EIF4EBP2: variants seen among roughly 807,000 people sequenced by gnomAD.
EIF4EBP2 encodes eukaryotic translation initiation factor 4E-binding protein 2.
A neutral mutation model predicts 10.3 loss-of-function variants in EIF4EBP2; 5 were observed. The observed-to-expected ratio is 0.48, with a 90% CI of 0.25 to 1.02. The LOEUF (loss-of-function observed/expected upper bound fraction) is 1.02, where lower values mean the gene tolerates loss of function less well. Among genes scored for constraint, EIF4EBP2 ranks in the 50% least tolerant of loss-of-function variants. The pLI, the probability that EIF4EBP2 is intolerant of heterozygous loss-of-function variation, is 0.15. For missense variants in EIF4EBP2, 188 were observed against 162.2 expected, an observed-to-expected ratio of 1.16 and a Z score of -0.86; for synonymous variants, 67 against 61.1, an observed-to-expected ratio of 1.10 and a Z score of -0.45.
intron 2 of EIF4EBP2, among the ~76,000 whole-genome samples, chr10:70,421,026 AC>A (rs1172053374): frequency 6.6e-6 from 1 of 151,566 alleles, no homozygotes; most frequent in Non-Finnish European, 1.5e-5. Context: ...CGATCTCCTG[AC>A]CTCGTGATCC....
chr10:70,412,267 C>G (rs2137226720), intron 1 of EIF4EBP2, among the ~76,000 whole-genome samples: 1 of 151,936 alleles, frequency 6.6e-6, no homozygotes, highest in East Asian at 1.9e-4. Flanking sequence ...CCATCTCAGC[C>G]TTTTTGGAGG....
chr10:70,405,759 C>A (rs1844959270), intron 1 of EIF4EBP2, among the ~76,000 whole-genome samples: 1 of 152,094 alleles, frequency 6.6e-6, no homozygotes, highest in South Asian at 2.1e-4. Flanking sequence ...CTTGCCAACA[C>A]CAAGGGATAA....
chr10:70,415,290 A>C (rs1427575156), intron 1 of EIF4EBP2, among the ~76,000 whole-genome samples: 6 of 152,258 alleles, frequency 3.9e-5, no homozygotes, highest in Non-Finnish European at 8.8e-5. Flanking sequence ...GTTGAAAGAA[A>C]TTAAAGAAGA....
At chr10:70,409,373 C>T (rs994751454) in intron 1 of EIF4EBP2, among the ~76,000 whole-genome samples, 1 of 152,146 alleles carries the variant, frequency 6.6e-6, no homozygotes, top group Non-Finnish European at 1.5e-5. Context: ...GAAGCTACCT[C>T]TGCCCTCAAA....
intron 1 of EIF4EBP2, among the ~76,000 whole-genome samples, chr10:70,416,822 G>A (rs1195506900): frequency 2.0e-5 from 3 of 151,624 alleles, no homozygotes; most frequent in Non-Finnish European, 2.9e-5. Context: ...GCAACACCAC[G>A]CCTGGCTAAT....
At chr10:70,411,542 A>G (rs1230043002) in intron 1 of EIF4EBP2, among the ~76,000 whole-genome samples, 1 of 152,172 alleles carries the variant, frequency 6.6e-6, no homozygotes, top group Non-Finnish European at 1.5e-5. Context: ...TTTTAAACTC[A>G]TTTAGCTAAT....
At position 70,424,333 on chromosome 10, in the gene EIF4EBP2, G is replaced by T. The variant is rs1238364763; in HGVS notation, c.*2586G>T. The T allele has an allele frequency of 6.6e-6, 1 of 152,136 alleles. No homozygotes were observed. The highest frequency in any genetic ancestry group is 2.4e-5 in the African/African-American group (1 of 41,422). 9.4% of individuals were successfully genotyped at this position (152,136 alleles called of 1,614,324 possible). ...TCAATCCCTTACCCTTCTCTGCAAG[G>T]ACTTCCTTACAGCTTGGTGCAGTTC... On this transcript the variant is annotated 3_prime_UTR_variant, in exon 3 of 3. Coordinates refer to ENST00000373218, the MANE Select transcript of EIF4EBP2 (RefSeq NM_004096.5).
chr10:70,418,044 A>G (rs545415177), intron 1 of EIF4EBP2, among the ~76,000 whole-genome samples: 1 of 152,172 alleles, frequency 6.6e-6, no homozygotes, highest in African/African-American at 2.4e-5. Flanking sequence ...CAAAATTCTT[A>G]TGTTGAAACC....
chr10:70,419,165 C>T (rs1845128984), intron 1 of EIF4EBP2, among the ~76,000 whole-genome samples: 1 of 152,228 alleles, frequency 6.6e-6, no homozygotes, highest in African/African-American at 2.4e-5. Context: ...GAAGTGATAT[C>T]TCATTGTCGT....
chr10:70,410,777 C>G (rs1298655797), intron 1 of EIF4EBP2, among the ~76,000 whole-genome samples: 2 of 152,238 alleles, frequency 1.3e-5, no homozygotes, highest in Non-Finnish European at 2.9e-5. Context: ...ATTAGAAGCA[C>G]TTGCTGCTTG....
At chr10:70,409,737 G>A (rs764049419) in intron 1 of EIF4EBP2, among the ~76,000 whole-genome samples, 62 of 152,272 alleles carry the variant, frequency 4.1e-4, no homozygotes, top group Non-Finnish European at 5.6e-4. Context: ...TTTGCTCTGC[G>A]GAATGAGCAG....
In EIF4EBP2 at chr10:70,419,914, G is replaced by A. The variant is rs1169129878; in HGVS notation, c.146G>A (p.Gly49Glu). ...AACTCTTTTTAACCCTGTTTTCCAG[G>A]AACTCGAATCATTTATGACAGAAAG... Reference protein sequence around the residue: ...GGTLFSTTPGGTRIIYDRKFL... With the variant: ...GGTLFSTTPGETRIIYDRKFL... The change falls in exon 2 of 3, where the codon GGA becomes GAA. Residue 49 changes from glycine to glutamate, a missense_variant and splice_region_variant. Physicochemically the swap from Gly to Glu is moderately conservative, Grantham distance 98. Coordinates refer to ENST00000373218, the MANE Select transcript of EIF4EBP2 (RefSeq NM_004096.5). 6.4e-7 allele frequency: 1 copy of A among 1,564,682 alleles called. No individual in the cohort carries two copies. The highest frequency in any genetic ancestry group is 2.3e-5 in the East Asian group (1 of 42,966).
At chr10:70,416,665 AT>A (rs55809354) in intron 1 of EIF4EBP2, among the ~76,000 whole-genome samples, 86,749 of 101,380 alleles carry the variant, frequency 0.86, 36,670 homozygotes, top group East Asian at 0.94. Context: ...TAATTTTTTA[AT>A]TTTTTTTTTT....
At chr10:70,407,688 C>T (rs1312467908) in intron 1 of EIF4EBP2, among the ~76,000 whole-genome samples, 1 of 149,102 alleles carries the variant, frequency 6.7e-6, no homozygotes, top group Non-Finnish European at 1.5e-5. Context: ...CCAGTAGGAG[C>T]GGCCGGGCAG....
Position 70,427,442 on chromosome 10 carries a change from G to A in EIF4EBP2, c.*5695G>A, listed in dbSNP as rs1228791575. 2 of 152,196 alleles carry A rather than the reference G, an allele frequency of 1.3e-5. No individual in the cohort carries two copies. Among genetic ancestry groups the A allele is most frequent in the Admixed American group, 6.5e-5 (1 of 15,274 alleles). 9.4% of individuals were successfully genotyped at this position (152,196 alleles called of 1,614,324 possible). A position where few individuals can be genotyped will look rare whatever the true frequency, so the allele number is the denominator to read the frequency against. On this transcript the variant is annotated 3_prime_UTR_variant, in exon 3 of 3. Transcript: ENST00000373218. Reference sequence around the variant, plus strand: ...CATGGTTTTCCAGTTTAGTAGTGGAGTTTCTTGAGGCTAACTTACAGAAAT... The same window carrying A: ...CATGGTTTTCCAGTTTAGTAGTGGAATTTCTTGAGGCTAACTTACAGAAAT...
At chr10:70,413,079 AACT>A in intron 1 of EIF4EBP2, among the ~76,000 whole-genome samples, 1 of 152,310 alleles carries the variant, frequency 6.6e-6, no homozygotes, top group African/African-American at 2.4e-5. Flanking sequence ...CAATACTGTT[AACT>A]CCCCATTATG....
rs1448135889 is a variant in EIF4EBP2 at position 70,425,272 on chromosome 10, A to G, written c.*3525A>G. On this transcript the variant is annotated 3_prime_UTR_variant, in exon 3 of 3. Coordinates refer to ENST00000373218, the MANE Select transcript of EIF4EBP2 (RefSeq NM_004096.5). ...CAGGAGAAAGCTGCAGTGCCTTTTA[A>G]GACATAGTCTTGGAAAGGACACACC... 1.3e-5 allele frequency: 2 copies of G among 152,266 alleles called. No individual in the cohort carries two copies. The highest frequency in any genetic ancestry group is 3.8e-4 in the East Asian group (2 of 5,202). 9.4% of individuals were successfully genotyped at this position (152,266 alleles called of 1,614,324 possible).
Position 70,404,467 on chromosome 10 carries a change from G to A in EIF4EBP2, c.66G>A (p.Val22=). The A allele has an allele frequency of 6.3e-7, 1 of 1,599,360 alleles. No individual in the cohort carries two copies. Among genetic ancestry groups the A allele is most frequent in the South Asian group, 1.1e-5 (1 of 89,850 alleles). The change falls in exon 1 of 3, where the codon GTG becomes GTA. Residue 22 remains valine, a synonymous_variant. Coordinates refer to ENST00000373218, the MANE Select transcript of EIF4EBP2 (RefSeq NM_004096.5). ...GCCGCGCCATCCCCACCCGCACCGT[G>A]GCCATCAGCGACGCCGCGCAGCTAC... The part of the protein sequence containing the change: ...SQSRAIPTRT[V]AISDAAQLPH...
Position 70,419,791 on chromosome 10 carries a change from C to T in EIF4EBP2, c.146-123C>T, listed in dbSNP as rs148174524. On this transcript the variant is annotated intron_variant, in intron 1 of 2. Transcript: ENST00000373218. ...GCAGAGAGGTTAGAGATTATGCTTT[C>T]AACTTGAATTGTAAAATCCTTAAAA... 4.6e-5 allele frequency: 35 copies of T among 754,730 alleles called. No individual in the cohort carries two copies. The South Asian group carries it at 5.1e-4, about 11-fold the overall frequency. 46.8% of individuals were successfully genotyped at this position (754,730 alleles called of 1,614,324 possible).
Sources: allele counts gnomAD v4.1 joint callset (sites outside exome capture counted in the v4.1 genomes callset), GRCh38; gene constraint gnomAD v4.1.1; transcripts MANE v1.5; gene names NCBI Gene and HGNC (gene_info 2026-07-23, HGNC 2026-07-21).